IRAG1: variants seen among roughly 807,000 people sequenced by gnomAD.
IRAG1 encodes IP3R-associated cGMP kinase substrate.
Under a neutral mutation model 106.2 loss-of-function variants are expected in IRAG1, and 62 were observed. The observed-to-expected ratio is 0.58, with a 90% CI of 0.48 to 0.72. IRAG1 has a LOEUF of 0.72. Ranked by LOEUF, IRAG1 falls within the 30% of genes least tolerant of loss-of-function variation. The probability of loss-of-function intolerance (pLI) is 0.00; values close to 1 mark genes in which losing one functional copy is unlikely to be tolerated. For synonymous variants in IRAG1, 462 were observed against 443.9 expected, an observed-to-expected ratio of 1.04 and a Z score of -0.51; for missense variants, 1,064 against 1,140.7, an observed-to-expected ratio of 0.93 and a Z score of 0.97.
chr11:10,591,658 G>A, intron 17 of IRAG1, 46 bp from the exon 18 acceptor site: 1 of 1,511,392 alleles, frequency 6.6e-7, no homozygotes, highest in Non-Finnish European at 9.0e-7. Context: ...CGCTATGGAA[G>A]GAAGAAGCCA....
At chr11:10,614,930 AT>A (rs1247914642) in intron 10 of IRAG1, among the ~76,000 whole-genome samples, 10 of 152,242 alleles carry the variant, frequency 6.6e-5, no homozygotes, top group Non-Finnish European at 1.5e-4. Flanking sequence ...AAAAGCCAAA[AT>A]TGACAAATGG....
chr11:10,650,746 C>A (rs990480160), intron 2 of IRAG1, among the ~76,000 whole-genome samples: 2 of 152,176 alleles, frequency 1.3e-5, no homozygotes, highest in Non-Finnish European at 2.9e-5. Flanking sequence ...AAACCCTGGG[C>A]TGGGCTGCCT....
intron 2 of IRAG1, among the ~76,000 whole-genome samples, chr11:10,645,935 T>C (rs1164193000): frequency 6.6e-6 from 1 of 152,238 alleles, no homozygotes; most frequent in African/African-American, 2.4e-5. Flanking sequence ...TAGTAAGTTC[T>C]CCATAAAGGT....
intron 15 of IRAG1, among the ~76,000 whole-genome samples, chr11:10,599,335 C>T (rs1853695913): frequency 6.6e-6 from 1 of 152,192 alleles, no homozygotes; most frequent in Admixed American, 6.5e-5. Context: ...GAATGAGACT[C>T]ATGGGTAACT....
intron 2 of IRAG1, among the ~76,000 whole-genome samples, chr11:10,645,334 A>G (rs1857859065): frequency 6.6e-6 from 1 of 152,202 alleles, no homozygotes; most frequent in African/African-American, 2.4e-5. Context: ...TACAACCATG[A>G]GACAGTGGAA....
intron 1 of IRAG1, among the ~76,000 whole-genome samples, chr11:10,656,501 T>C (rs1204579048): frequency 6.6e-6 from 1 of 152,216 alleles, no homozygotes; most frequent in African/African-American, 2.4e-5. Context: ...TAGAAGTTCC[T>C]AAACCATATT....
At chr11:10,645,493 C>G (rs112741139) in intron 2 of IRAG1, among the ~76,000 whole-genome samples, 108 of 152,196 alleles carry the variant, frequency 7.1e-4, no homozygotes, top group Non-Finnish European at 1.2e-3. Flanking sequence ...ACACTAGGAA[C>G]CTGTGTGTTA....
intron 13 of IRAG1, 68 bp from the exon 14 acceptor site, chr11:10,603,319 ACCTTTTCGG>A (rs1246483714): frequency 3.2e-6 from 5 of 1,566,236 alleles, no homozygotes; most frequent in Non-Finnish European, 2.6e-6. Flanking sequence ...GCAGTCCCCA[ACCTTTTCGG>A]CCTCAGGGAC....
chr11:10,649,759 G>C lies in IRAG1; in HGVS notation c.225+2266C>G, dbSNP rs189697352. On this transcript the variant is annotated intron_variant, in intron 2 of 20. Coordinates refer to ENST00000423302, the MANE Select transcript of IRAG1 (RefSeq NM_130385.4). ...AATGGGGGGAGGGTTCCATGAGCTT[G>C]CCTGCCACAAAGTTGAGAGTAAGCG... is the stretch of plus-strand genomic sequence containing the variant. 5.0e-3 allele frequency among the ~76,000 whole-genome samples: 755 copies of C among 152,222 alleles called. 9 individuals are homozygous for C. Among genetic ancestry groups the C allele is most frequent in the African/African-American group, 0.017 (722 of 41,524 alleles).
At chr11:10,607,850 C>T (rs550942635) in intron 11 of IRAG1, among the ~76,000 whole-genome samples, 15 of 152,288 alleles carry the variant, frequency 9.8e-5, no homozygotes, top group African/African-American at 3.1e-4. Flanking sequence ...GTCCAGAACA[C>T]GGGACAAACA....
chr11:10,673,390 AG>A (rs1199108054), intron 1 of IRAG1, among the ~76,000 whole-genome samples: 1 of 152,318 alleles, frequency 6.6e-6, no homozygotes, highest in Non-Finnish European at 1.5e-5. Flanking sequence ...AAGTGAAAGA[AG>A]CCAGTCACAA....
At chr11:10,616,518 CAAAAACA>C (rs529210529) in intron 10 of IRAG1, among the ~76,000 whole-genome samples, 3,633 of 151,712 alleles carry the variant, frequency 0.024, 65 homozygotes, top group African/African-American at 0.034. Flanking sequence ...CATACCAAAG[CAAAAACA>C]AAAAACAAAA....
chr11:10,666,557 G>A (rs1324634478), intron 1 of IRAG1, among the ~76,000 whole-genome samples: 1 of 152,224 alleles, frequency 6.6e-6, no homozygotes, highest in Non-Finnish European at 1.5e-5. Context: ...TCATCGTGGA[G>A]AAGGTATCAT....
chr11:10,669,903 T>C (rs921381993), intron 1 of IRAG1, among the ~76,000 whole-genome samples: 1 of 152,102 alleles, frequency 6.6e-6, no homozygotes, highest in Non-Finnish European at 1.5e-5. Context: ...TGTGGCCAGA[T>C]GGCAATAAAA....
intron 10 of IRAG1, among the ~76,000 whole-genome samples, chr11:10,613,368 A>C (rs1855141383): frequency 6.6e-6 from 1 of 152,194 alleles, no homozygotes; most frequent in Non-Finnish European, 1.5e-5. Flanking sequence ...ACAGGGGAGC[A>C]ACATCTACGC....
chr11:10,621,918 G>T (rs1264693995), intron 10 of IRAG1, among the ~76,000 whole-genome samples: 1 of 152,100 alleles, frequency 6.6e-6, no homozygotes, highest in African/African-American at 2.4e-5. Context: ...CATAGAGACA[G>T]AAAGTAGAAG....
chr11:10,595,188 G>A (rs1471387124), intron 15 of IRAG1, among the ~76,000 whole-genome samples: 1 of 149,840 alleles, frequency 6.7e-6, no homozygotes, highest in Non-Finnish European at 1.5e-5. Flanking sequence ...GCCGCCCAAG[G>A]TGCTAGAATT....
intron 13 of IRAG1, 88 bp downstream of exon 13, chr11:10,604,317 T>C: frequency 1.3e-6 from 2 of 1,529,238 alleles, no homozygotes; most frequent in Non-Finnish European, 1.8e-6. Flanking sequence ...GAGACTATAC[T>C]TGGTACCTGA....
chr11:10,593,060 T>C (rs1424247600), intron 17 of IRAG1: 1 of 153,532 alleles, frequency 6.5e-6, no homozygotes, highest in Non-Finnish European at 1.5e-5. Flanking sequence ...TTATGAACAA[T>C]GCTACAATGA....
Sources: gnomAD v4.1 joint callset for allele counts (sites outside exome capture counted in the v4.1 genomes callset) on GRCh38, gnomAD v4.1.1 for gene constraint, MANE v1.5 for transcripts, NCBI Gene and HGNC (gene_info 2026-07-23, HGNC 2026-07-21) for gene names.